ZNF438: variants seen among roughly 807,000 people sequenced by gnomAD.
ZNF438 encodes zinc finger protein 438.
Under a neutral mutation model 38.0 loss-of-function variants are expected in ZNF438, and 25 were observed. The observed-to-expected ratio is 0.66, with a 90% confidence interval of 0.48 to 0.92. The LOEUF is 0.92. ZNF438 is among the 40% of genes least tolerant of loss of function. The pLI is 0.00. For synonymous variants in ZNF438, 372 were observed against 364.1 expected (o/e 1.02, Z -0.25); for missense variants, 1,007 against 999.6 (o/e 1.01, Z -0.10).
At chr10:30,974,346 G>T (rs1253460852) in intron 1 of ZNF438, among the ~76,000 whole-genome samples, 1 of 152,192 alleles carries the variant, frequency 6.6e-6, no homozygotes, top group Non-Finnish European at 1.5e-5. Flanking sequence ...GGTGATGCGT[G>T]CCTGTAGTCC....
At chr10:31,025,323 C>T (rs185236326) in intron 1 of ZNF438, among the ~76,000 whole-genome samples, 11 of 152,282 alleles carry the variant, frequency 7.2e-5, no homozygotes, top group Admixed American at 5.2e-4. Flanking sequence ...CAGTGACATG[C>T]TATAATGGCC....
intron 5 of ZNF438, among the ~76,000 whole-genome samples, chr10:30,846,354 A>G (rs1320334591): frequency 6.6e-6 from 1 of 152,228 alleles, no homozygotes; most frequent in Non-Finnish European, 1.5e-5. Context: ...GGCCAGGGCC[A>G]CTGCACCACC....
intron 4 of ZNF438, among the ~76,000 whole-genome samples, chr10:30,861,252 G>A (rs969865633): frequency 6.6e-6 from 1 of 152,084 alleles, no homozygotes; most frequent in Non-Finnish European, 1.5e-5. Context: ...TTAATACCTA[G>A]TGCAATGTAA....
At chr10:31,014,516 G>C (rs945383593) in intron 1 of ZNF438, among the ~76,000 whole-genome samples, 5 of 152,024 alleles carry the variant, frequency 3.3e-5, no homozygotes, top group African/African-American at 1.2e-4. Context: ...TCTATCAAAG[G>C]CCCCATCTCT....
chr10:31,006,167 A>T (rs1479561016), intron 1 of ZNF438, among the ~76,000 whole-genome samples: 1 of 152,204 alleles, frequency 6.6e-6, no homozygotes, highest in Non-Finnish European at 1.5e-5. Context: ...TTTGTATGCT[A>T]ATGAGTGACT....
chr10:30,924,553 A>G (rs1314509921), intron 2 of ZNF438, among the ~76,000 whole-genome samples: 1 of 152,236 alleles, frequency 6.6e-6, no homozygotes, highest in Non-Finnish European at 1.5e-5. Context: ...CAGCTTTAAG[A>G]CCAGAATGGT....
chr10:30,876,950 T>G (rs748856504), intron 4 of ZNF438, 48 bp downstream of exon 5: 3 of 1,496,322 alleles, frequency 2.0e-6, no homozygotes, highest in African/African-American at 1.4e-5. Context: ...TGTATCAAAT[T>G]AAAACTATAA....
At chr10:30,897,318 T>A (rs1342772920) in intron 3 of ZNF438, among the ~76,000 whole-genome samples, 2 of 152,200 alleles carry the variant, frequency 1.3e-5, no homozygotes, top group African/African-American at 4.8e-5. Flanking sequence ...GAAGATTGGA[T>A]CTGGTTAACT....
At chr10:30,876,565 G>A (rs2038452319) in intron 4 of ZNF438, among the ~76,000 whole-genome samples, 1 of 152,162 alleles carries the variant, frequency 6.6e-6, no homozygotes, top group Non-Finnish European at 1.5e-5. Flanking sequence ...GCAAAGAAAT[G>A]TATACACAAA....
At chr10:30,930,106 G>A (rs1188637377) in intron 2 of ZNF438, among the ~76,000 whole-genome samples, 10 of 152,066 alleles carry the variant, frequency 6.6e-5, no homozygotes, top group Middle Eastern at 3.4e-3. Context: ...CAGAGCAGGG[G>A]GCGGTGCCCG....
At chr10:31,028,792 A>T (rs2057100210) in intron 1 of ZNF438, among the ~76,000 whole-genome samples, 3 of 152,298 alleles carry the variant, frequency 2.0e-5, no homozygotes, top group African/African-American at 7.2e-5. Flanking sequence ...CACAGCAGGC[A>T]CTGGATTAGG....
chr10:30,952,337 A>G (rs1277939737), intron 1 of ZNF438, among the ~76,000 whole-genome samples: 1 of 151,382 alleles, frequency 6.6e-6, no homozygotes, highest in African/African-American at 2.4e-5. Context: ...GGACATAGGC[A>G]TGGGCAAGGA....
rs551398971 is a variant in ZNF438, at chr10:30,986,977, A to G, written c.-192+44856T>C. On this transcript the variant is annotated intron_variant, in intron 1 of 5. Coordinates refer to ENST00000413025, the Ensembl canonical transcript of ZNF438. ...ACAATGTTCTTACTAAATTTAAAAA[A>G]TGGTGAAACAGAAATAAACTTGGAC... 2.5e-3 allele frequency among the ~76,000 whole-genome samples: 375 copies of G among 152,348 alleles called. 1 individual carries two copies. The highest frequency in any genetic ancestry group is 8.5e-3 in the African/African-American group (352 of 41,580).
intron 2 of ZNF438, among the ~76,000 whole-genome samples, chr10:30,915,085 TATC>T (rs2043464743): frequency 6.6e-6 from 1 of 152,034 alleles, no homozygotes; most frequent in East Asian, 1.9e-4. Context: ...ATAAATGAAA[TATC>T]ATAAATCATT....
chr10:30,976,314 G>A (rs114835196), intron 1 of ZNF438, among the ~76,000 whole-genome samples: 2 of 152,272 alleles, frequency 1.3e-5, no homozygotes, highest in African/African-American at 4.8e-5. Flanking sequence ...ATCCAAGTAT[G>A]TTCTACTTTT....
intron 5 of ZNF438, 50 bp downstream of exon 6, chr10:30,848,481 C>T (rs2032809286): frequency 4.5e-6 from 7 of 1,549,700 alleles, no homozygotes; most frequent in Non-Finnish European, 6.1e-6. Context: ...CCCCTCTTCC[C>T]CAAATCAAAA....
At position 30,931,979 on chromosome 10, in the gene ZNF438, C is replaced by T. The variant is rs144894012; in HGVS notation, c.-115+9596G>A. Reference sequence around the variant, plus strand: ...ATAAGGAGAAGGTAGAGGGTAATAACGTGCTCCCAAGGAGACAAGTAGGAA... The same window carrying T: ...ATAAGGAGAAGGTAGAGGGTAATAATGTGCTCCCAAGGAGACAAGTAGGAA... On this transcript the variant is annotated intron_variant, in intron 2 of 5. Coordinates refer to ENST00000413025, the Ensembl canonical transcript of ZNF438. Among the ~76,000 whole-genome samples the T allele has an allele frequency of 2.5e-3, 380 of 152,286 alleles. 1 individual carries two copies. The highest frequency in any genetic ancestry group is 8.4e-3 in the African/African-American group (351 of 41,578).
rs542750881 is a variant in ZNF438 at position 30,926,655 on chromosome 10, A to G, written c.-115+14920T>C. On this transcript the variant is annotated intron_variant, in intron 2 of 5. Transcript: ENST00000413025. ...CACTCCAGCCTGAGCGACAGGGTGG[A>G]AAAAAAAAAAAAGGAACAACAAAGT... is the stretch of plus-strand genomic sequence containing the variant. Among the ~76,000 whole-genome samples the G allele has an allele frequency of 1.5e-4, 18 of 118,168 alleles. No individual in the cohort carries two copies. In the South Asian group the frequency reaches 3.6e-3, roughly 24 times the overall value. The allele number at this position is 118,168 out of a possible 152,430, so 77.5% of individuals were successfully genotyped here.
At chr10:30,849,906 G>A (rs1004261829) in exon 5 of ZNF438, 2 of 1,614,166 alleles carry the variant, frequency 1.2e-6, no homozygotes, top group Admixed American at 1.7e-5. Context: ...AGGAGTTCAG[G>A]GTGGTGAGGT....
Sources: allele counts gnomAD v4.1 joint callset (sites outside exome capture counted in the v4.1 genomes callset), GRCh38; gene constraint gnomAD v4.1.1; transcripts MANE v1.5; gene names NCBI Gene and HGNC (gene_info 2026-07-23, HGNC 2026-07-21).